RDX: variants seen among roughly 807,000 people sequenced by gnomAD.
The protein encoded by RDX is radixin, also known as deafness, autosomal recessive 24.
In RDX, 32 loss-of-function variants were observed where a neutral mutation model predicts 83.7. The ratio of observed to expected loss-of-function variants is 0.38; its 90% CI spans 0.29 to 0.51. The LOEUF (loss-of-function observed/expected upper bound fraction) is 0.51, where lower values mean the gene tolerates loss of function less well. Among genes scored for constraint, RDX ranks in the 20% least tolerant of loss-of-function variants. The probability of loss-of-function intolerance (pLI) is 0.87; values close to 1 mark genes in which losing one functional copy is unlikely to be tolerated. For synonymous variants in RDX, 229 were observed against 222.7 expected (o/e 1.03, Z -0.25); for missense variants, 600 against 689.9 (o/e 0.87, Z 1.46).
At chr11:110,264,910 G>C (rs1440788008) in intron 3 of RDX, 36 bp from the exon 4 acceptor site, 4 of 1,461,106 alleles carry the variant, frequency 2.7e-6, no homozygotes, top group Non-Finnish European at 3.8e-6. Context: ...CACAATTTCA[G>C]TCCAACATAC....
chr11:110,209,173 T>C (rs562987534), intron 14 of RDX, among the ~76,000 whole-genome samples: 2 of 152,118 alleles, frequency 1.3e-5, no homozygotes, highest in East Asian at 3.9e-4. Context: ...TTGCCTCACT[T>C]GGGAAGCCCA....
intron 8 of RDX, 112 bp downstream of exon 8, chr11:110,255,177 A>T: frequency 3.1e-6 from 2 of 640,602 alleles, no homozygotes; most frequent in Non-Finnish European, 5.7e-6. Flanking sequence ...TGGAAAGAGA[A>T]TGGTCCTCAG....
At chr11:110,276,453 T>C (rs1860522336) in intron 2 of RDX, among the ~76,000 whole-genome samples, 1 of 152,214 alleles carries the variant, frequency 6.6e-6, no homozygotes, top group Non-Finnish European at 1.5e-5. Context: ...TTCAGAACTA[T>C]TTTGACTAGT....
chr11:110,292,865 C>T (rs955221537), intron 1 of RDX, among the ~76,000 whole-genome samples: 1 of 152,162 alleles, frequency 6.6e-6, no homozygotes, highest in African/African-American at 2.4e-5. Flanking sequence ...TTGTAAAGAG[C>T]AAGATGTGGC....
intron 1 of RDX, among the ~76,000 whole-genome samples, chr11:110,282,831 A>G (rs1172967016): frequency 6.6e-6 from 1 of 152,088 alleles, no homozygotes; most frequent in African/African-American, 2.4e-5. Flanking sequence ...ATAAAAATAA[A>G]CCAGGCATAG....
chr11:110,291,152 C>G (rs1232681411), intron 1 of RDX, among the ~76,000 whole-genome samples: 1 of 152,118 alleles, frequency 6.6e-6, no homozygotes, highest in Non-Finnish European at 1.5e-5. Flanking sequence ...CATAGTGAAA[C>G]TGTATCTCTA....
chr11:110,285,474 G>A (rs150801392), intron 1 of RDX, among the ~76,000 whole-genome samples: 1,937 of 152,186 alleles, frequency 0.013, 43 homozygotes, highest in African/African-American at 0.044. Flanking sequence ...AGCACTTTGG[G>A]AGGCTGAGGC....
rs573094844 is a variant in RDX at position 110,265,151 on chromosome 11, T to C, written c.97-277A>G. 1.4e-4 allele frequency among the ~76,000 whole-genome samples: 20 copies of C among 140,468 alleles called. No homozygotes were observed. The East Asian group carries it at 2.1e-3, about 15-fold the overall frequency. 92.2% of individuals were successfully genotyped at this position (140,468 alleles called of 152,430 possible). The stretch of plus-strand genomic sequence containing the variant: ...TCTTGTCACCCAGGCTGGGGTGCAA[T>C]GGCACAATCTTGGCTCACCGCAACT... On this transcript the variant is annotated intron_variant, in intron 3 of 13. Coordinates refer to ENST00000645495, the MANE Select transcript of RDX (RefSeq NM_002906.4).
intron 5 of RDX, among the ~76,000 whole-genome samples, chr11:110,259,061 G>A (rs917703000): frequency 6.6e-6 from 1 of 151,910 alleles, no homozygotes; most frequent in Non-Finnish European, 1.5e-5. Flanking sequence ...GGGATTACAG[G>A]CGTGCGCCAT....
intron 1 of RDX, chr11:110,287,087 G>A (rs989878296): frequency 6.6e-6 from 1 of 152,090 alleles, no homozygotes; most frequent in Non-Finnish European, 1.5e-5. Context: ...AGTATCTACC[G>A]TTTCTATTAG....
intron 14 of RDX, among the ~76,000 whole-genome samples, chr11:110,222,714 T>A (rs1366202288): frequency 1.3e-5 from 2 of 152,132 alleles, no homozygotes; most frequent in Non-Finnish European, 2.9e-5. Flanking sequence ...GAGAATGGCG[T>A]GAACCCGGGA....
intron 9 of RDX, among the ~76,000 whole-genome samples, chr11:110,249,653 T>C (rs1287723025): frequency 6.6e-6 from 1 of 152,156 alleles, no homozygotes; most frequent in African/African-American, 2.4e-5. Context: ...GCGGGAAGAC[T>C]ACCTGAGGTT....
intron 10 of RDX, among the ~76,000 whole-genome samples, chr11:110,240,736 C>A (rs1447509458): frequency 8.5e-6 from 1 of 118,220 alleles, no homozygotes; most frequent in African/African-American, 3.5e-5. Flanking sequence ...CAGAGCAAGA[C>A]TCCGTCTCAA....
intron 14 of RDX, among the ~76,000 whole-genome samples, chr11:110,201,903 T>TTGTG (rs141731309): frequency 0.029 from 3,911 of 136,998 alleles, 73 homozygotes; most frequent in Non-Finnish European, 0.033. Flanking sequence ...CCGGCTAATT[T>TTGTG]TGTGTGTGTG....
rs1591180969 is a variant in RDX, at chr11:110,279,762, A to T, written c.-64-6T>A. The T allele has an allele frequency of 2.2e-5, 2 of 91,992 alleles. No homozygotes were observed. The highest frequency in any genetic ancestry group is 2.8e-4 in the South Asian group (1 of 3,600). 5.7% of individuals were successfully genotyped at this position (91,992 alleles called of 1,614,324 possible). On this transcript the variant is annotated splice_region_variant and splice_polypyrimidine_tract_variant and intron_variant, in intron 1 of 13. Transcript: ENST00000645495. ...ATGAATTCTGTTATCACTTTCTGTT[A>T]AAAAAAAAAAAGCATAATCTATTAT...
At chr11:110,207,391 G>C (rs1472119731) in intron 14 of RDX, among the ~76,000 whole-genome samples, 1 of 152,174 alleles carries the variant, frequency 6.6e-6, no homozygotes, top group Non-Finnish European at 1.5e-5. Context: ...GCTAGTGTGA[G>C]AACCACTGCC....
At chr11:110,295,874 G>A (rs541327397) in intron 1 of RDX, among the ~76,000 whole-genome samples, 1 of 152,270 alleles carries the variant, frequency 6.6e-6, no homozygotes, top group East Asian at 1.9e-4. Flanking sequence ...TGGCGGGTGC[G>A]AGCGGCGGGA....
chr11:110,267,253 C>T (rs560483048), intron 3 of RDX, among the ~76,000 whole-genome samples: 2 of 152,202 alleles, frequency 1.3e-5, no homozygotes, highest in African/African-American at 4.8e-5. Context: ...GGGTGGCTCA[C>T]GCCTATACCA....
At chr11:110,290,930 G>C (rs548173518) in intron 1 of RDX, among the ~76,000 whole-genome samples, 23 of 152,196 alleles carry the variant, frequency 1.5e-4, no homozygotes, top group Non-Finnish European at 8.8e-5. Flanking sequence ...TTTAACTGAA[G>C]TTGGTACCTA....
Sources: gnomAD v4.1 joint callset for allele counts (sites outside exome capture counted in the v4.1 genomes callset) on GRCh38, gnomAD v4.1.1 for gene constraint, MANE v1.5 for transcripts, NCBI Gene and HGNC (gene_info 2026-07-23, HGNC 2026-07-21) for gene names.